Variants in ZFAT observed in about 807,000 individuals in gnomAD.
ZFAT encodes the protein zinc finger and AT-hook domain containing, also known as zinc finger protein ZFAT.
A neutral mutation model predicts 117.7 loss-of-function variants in ZFAT; 64 were observed. The observed-to-expected ratio is 0.54, with a 90% CI of 0.44 to 0.67. ZFAT has a LOEUF of 0.67. Among genes scored for constraint, ZFAT ranks in the 30% least tolerant of loss-of-function variants. The pLI is 0.00. For missense variants in ZFAT, 1,433 were observed against 1,584.5 expected (o/e 0.90, Z 1.62); for synonymous variants, 679 against 615.0 (o/e 1.10, Z -1.54).
At chr8:134,630,757 A>C (rs547265459) in intron 3 of ZFAT, among the ~76,000 whole-genome samples, 3 of 152,384 alleles carry the variant, frequency 2.0e-5, no homozygotes, top group African/African-American at 7.2e-5. Flanking sequence ...TCAAATGCAG[A>C]ATAAAATAAA....
At chr8:134,527,909 T>C (rs930088304) in intron 12 of ZFAT, among the ~76,000 whole-genome samples, 1 of 152,046 alleles carries the variant, frequency 6.6e-6, no homozygotes, top group Non-Finnish European at 1.5e-5. Flanking sequence ...TGGATTACCA[T>C]AGGGAAGGAC....
intron 10 of ZFAT, among the ~76,000 whole-genome samples, chr8:134,571,034 T>C (rs1824852144): frequency 6.6e-6 from 1 of 152,168 alleles, no homozygotes; most frequent in Non-Finnish European, 1.5e-5. Context: ...GCTGGCTGTG[T>C]CCATTCACTC....
intron 10 of ZFAT, among the ~76,000 whole-genome samples, chr8:134,574,566 G>A (rs552130585): frequency 6.4e-4 from 98 of 152,024 alleles, no homozygotes; most frequent in African/African-American, 9.2e-4. Context: ...AACTTAAAAC[G>A]TCACCTTCAG....
intron 1 of ZFAT, among the ~76,000 whole-genome samples, chr8:134,708,671 G>T (rs958079226): frequency 6.6e-6 from 1 of 151,914 alleles, no homozygotes; most frequent in Non-Finnish European, 1.5e-5. Context: ...AAAATTACTC[G>T]GCCAGGCACA....
chr8:134,682,116 T>G (rs538812545), intron 1 of ZFAT, among the ~76,000 whole-genome samples: 147 of 151,728 alleles, frequency 9.7e-4, no homozygotes, highest in African/African-American at 3.5e-3. Flanking sequence ...AGAAGGGAGG[T>G]TAAATTAAAC....
At chr8:134,595,829 A>C (rs1313750528) in intron 7 of ZFAT, among the ~76,000 whole-genome samples, 1 of 152,240 alleles carries the variant, frequency 6.6e-6, no homozygotes, top group Non-Finnish European at 1.5e-5. Context: ...TAAGAGTCAC[A>C]GAAACAGGCA....
intron 3 of ZFAT, among the ~76,000 whole-genome samples, chr8:134,627,262 T>C (rs1003824076): frequency 3.9e-5 from 6 of 152,114 alleles, no homozygotes; most frequent in Admixed American, 2.6e-4. Context: ...TGCAAAACTG[T>C]CTGCATTAGA....
At chr8:134,803,054 A>G in the ZFAT span, among the ~76,000 whole-genome samples, 3 of 152,244 alleles carry the variant, frequency 2.0e-5, no homozygotes, top group Admixed American at 6.5e-5. Flanking sequence ...TAGAGGCAGA[A>G]TAATATAGAA....
At chr8:134,671,552 A>G (rs1253410422) in intron 1 of ZFAT, among the ~76,000 whole-genome samples, 1 of 152,248 alleles carries the variant, frequency 6.6e-6, no homozygotes, top group Non-Finnish European at 1.5e-5. Context: ...AAAATTCAAC[A>G]GCCCTTCATG....
the ZFAT span, among the ~76,000 whole-genome samples, chr8:134,782,190 C>G: frequency 1.3e-5 from 2 of 152,214 alleles, no homozygotes; most frequent in Non-Finnish European, 2.9e-5. Context: ...AAAGAGGTAG[C>G]TGTGCATTCT....
At chr8:134,772,218 G>A in the ZFAT span, among the ~76,000 whole-genome samples, 3,850 of 152,256 alleles carry the variant, frequency 0.025, 149 homozygotes, top group African/African-American at 0.087. Flanking sequence ...AAAGCTAAAA[G>A]CTATAAATGA....
chr8:134,637,653 T>C lies in ZFAT; in HGVS notation c.256A>G (p.Thr86Ala). ...RPKGSTKKSS[T>A]EEELAENIVS... ...ATGTTTTCTGCCAGCTCCTCTTCTGTGCTGGACTTCTTCGTGGACCCCTTA... is the reference window on the plus strand; with the variant it reads ...ATGTTTTCTGCCAGCTCCTCTTCTGCGCTGGACTTCTTCGTGGACCCCTTA... Residue 86 changes from threonine (T) to alanine (A), a missense_variant, in exon 3 of 16, where the codon ACA becomes GCA. Thr to Ala is a moderately conservative substitution (Grantham distance 58). Transcript: ENST00000377838. The C allele has an allele frequency of 6.2e-7, 1 of 1,614,210 alleles. No individual in the cohort carries two copies. Among genetic ancestry groups the C allele is most frequent in the Non-Finnish European group, 8.5e-7 (1 of 1,180,040 alleles).
the ZFAT span, among the ~76,000 whole-genome samples, chr8:134,822,938 G>GC: frequency 6.6e-6 from 1 of 151,986 alleles, no homozygotes; most frequent in Non-Finnish European, 1.5e-5. Context: ...ATTCCCCCAA[G>GC]CCAAAAAAGG....
chr8:134,569,274 T>C (rs776504890), intron 10 of ZFAT, among the ~76,000 whole-genome samples: 3 of 152,000 alleles, frequency 2.0e-5, no homozygotes, highest in Non-Finnish European at 4.4e-5. Context: ...AAGCTTCAAA[T>C]ATAAGCTTAT....
intron 1 of ZFAT, among the ~76,000 whole-genome samples, chr8:134,676,781 G>C (rs1355203086): frequency 6.6e-6 from 1 of 152,166 alleles, no homozygotes; most frequent in Non-Finnish European, 1.5e-5. Context: ...TAGAACTCAG[G>C]ATTAAGAAAC....
intron 3 of ZFAT, among the ~76,000 whole-genome samples, chr8:134,630,027 C>T (rs887173047): frequency 6.6e-6 from 1 of 152,138 alleles, no homozygotes; most frequent in Non-Finnish European, 1.5e-5. Context: ...GACAAGAAAG[C>T]AAACACAGGA....
In ZFAT at chr8:134,600,762, T is replaced by C. The variant is rs1221453158; in HGVS notation, c.2243-94A>G. The C allele has an allele frequency of 5.9e-6, 6 of 1,022,672 alleles. No individual in the cohort carries two copies. The African/African-American group carries it at 8.1e-5, about 14-fold the overall frequency. The allele number at this position is 1,022,672 out of a possible 1,614,324, so 63.3% of individuals were successfully genotyped here. A position where few individuals can be genotyped will look rare whatever the true frequency, so the allele number is the denominator to read the frequency against. On this transcript the variant is annotated intron_variant, in intron 6 of 15. Transcript: ENST00000377838. ...TATTATTTTTTATCTACAATATCTATCTCCCTCTTGCGCTTGTCCGGGTCA... is the reference window on the plus strand; with the variant it reads ...TATTATTTTTTATCTACAATATCTACCTCCCTCTTGCGCTTGTCCGGGTCA...
At position 134,649,845 on chromosome 8, in the gene ZFAT, C is replaced by T. The variant is rs550189704; in HGVS notation, c.196+7716G>A. 2.3e-3 allele frequency among the ~76,000 whole-genome samples: 356 copies of T among 151,666 alleles called. 1 individual carries two copies. The highest frequency in any genetic ancestry group is 8.3e-3 in the African/African-American group (343 of 41,266). ...ACCCAAATCTCACCTCGAATTATAA[C>T]CCCCATAATCTCAACATGTCAAGGG... On this transcript the variant is annotated intron_variant, in intron 2 of 15. Coordinates refer to ENST00000377838, the MANE Select transcript of ZFAT (RefSeq NM_020863.4).
At chr8:134,575,693 G>A (rs1056790781) in intron 10 of ZFAT, among the ~76,000 whole-genome samples, 2 of 152,154 alleles carry the variant, frequency 1.3e-5, no homozygotes, top group African/African-American at 2.4e-5. Flanking sequence ...GCCTGCCTCT[G>A]GAGCACAAGG....
Sources: allele counts gnomAD v4.1 joint callset (sites outside exome capture counted in the v4.1 genomes callset), GRCh38; gene constraint gnomAD v4.1.1; transcripts MANE v1.5; gene names NCBI Gene and HGNC (gene_info 2026-07-23, HGNC 2026-07-21).